Variants in ATP8B1 observed in about 807,000 individuals in gnomAD.
The protein encoded by ATP8B1 is ATPase phospholipid transporting 8B1.
A neutral mutation model predicts 149.9 loss-of-function variants in ATP8B1; 80 were observed. That is an observed-to-expected ratio of 0.53 (90% CI 0.45 to 0.64). ATP8B1 has a LOEUF of 0.64. ATP8B1 is among the 30% of genes least tolerant of loss of function. The pLI is 0.00. For missense variants in ATP8B1, 1,247 were observed against 1,552.6 expected, an observed-to-expected ratio of 0.80 and a Z score of 3.31; for synonymous variants, 536 against 562.8, an observed-to-expected ratio of 0.95 and a Z score of 0.67.
rs1308976671 is a variant in ATP8B1, at chr18:57,661,202, A to G, written c.2679T>C (p.Asp893=). The G allele has an allele frequency of 1.2e-6, 2 of 1,613,986 alleles. No homozygotes were observed. Among genetic ancestry groups the G allele is most frequent in the Admixed American group, 3.3e-5 (2 of 60,016 alleles). ...TGATCATGTTCACGTCATTGGCCCC[A>G]TCTCCGATGGCCAGCGTGATGGCTT... The part of the protein sequence containing the change: ...YKKAITLAIG[D]GANDVNMIKT... Residue 893 remains aspartate, a synonymous_variant, in exon 22 of 28, where the codon GAT becomes GAC. Transcript: ENST00000648908.
At chr18:57,680,160 C>T (rs925444266) in intron 15 of ATP8B1, among the ~76,000 whole-genome samples, 3 of 150,882 alleles carry the variant, frequency 2.0e-5, no homozygotes, top group African/African-American at 7.3e-5. Flanking sequence ...GCCTGTAATC[C>T]CAGCTACTCG....
intron 18 of ATP8B1, 29 bp downstream of exon 18, chr18:57,669,289 A>C: frequency 6.4e-7 from 1 of 1,572,582 alleles, no homozygotes; most frequent in Admixed American, 1.9e-5. Context: ...TAGAATATCA[A>C]AGAAAAAGTT....
At chr18:57,751,677 G>A (rs1264801657) in intron 1 of ATP8B1, among the ~76,000 whole-genome samples, 2 of 152,080 alleles carry the variant, frequency 1.3e-5, no homozygotes, top group Non-Finnish European at 2.9e-5. Context: ...GTTAGAACTT[G>A]GAGAGGCTCT....
At chr18:57,780,574 A>G (rs2080347920) in intron 1 of ATP8B1, among the ~76,000 whole-genome samples, 1 of 152,192 alleles carries the variant, frequency 6.6e-6, no homozygotes, top group Non-Finnish European at 1.5e-5. Flanking sequence ...AATCGTAACT[A>G]CTTAGTAATC....
At chr18:57,793,481 A>G (rs1457732772) in intron 1 of ATP8B1, among the ~76,000 whole-genome samples, 1 of 151,324 alleles carries the variant, frequency 6.6e-6, no homozygotes, top group African/African-American at 2.4e-5. Context: ...AGATCACACC[A>G]CTCCAAGGAG....
intron 26 of ATP8B1, 147 bp downstream of exon 26, chr18:57,651,887 G>A: frequency 2.0e-6 from 2 of 1,006,726 alleles, no homozygotes; most frequent in Non-Finnish European, 3.0e-6. Context: ...ACTTGCCTCG[G>A]CCTCCCAAAA....
intron 1 of ATP8B1, among the ~76,000 whole-genome samples, chr18:57,779,132 A>G (rs2080336122): frequency 6.6e-6 from 1 of 152,090 alleles, no homozygotes; most frequent in African/African-American, 2.4e-5. Flanking sequence ...AGACCAGCCC[A>G]GGCAACATAG....
At chr18:57,654,165 TTTTG>T (rs1235426297) in intron 23 of ATP8B1, 90 bp from the exon 24 acceptor site, 74 of 1,186,096 alleles carry the variant, frequency 6.2e-5, no homozygotes, top group South Asian at 7.6e-5. Flanking sequence ...TTATTTAACA[TTTTG>T]TTTGTTTGTT....
intron 26 of ATP8B1, among the ~76,000 whole-genome samples, chr18:57,651,369 G>GGCCAAT (rs1909604295): frequency 6.6e-6 from 1 of 152,092 alleles, no homozygotes. Flanking sequence ...GCCTCCCAAA[G>GGCCAAT]TGCTGGGATT....
intron 2 of ATP8B1, among the ~76,000 whole-genome samples, chr18:57,710,168 A>T (rs1913622057): frequency 6.6e-6 from 1 of 151,942 alleles, no homozygotes; most frequent in Admixed American, 6.6e-5. Context: ...GGATATATTG[A>T]CAAAGAAAAG....
chr18:57,653,682 C>CTTTTTTTTT (rs71171057), intron 24 of ATP8B1, among the ~76,000 whole-genome samples: 24 of 117,812 alleles, frequency 2.0e-4, no homozygotes, highest in African/African-American at 3.4e-4. Flanking sequence ...CCTCTTTTCT[C>CTTTTTTTTT]TTTTTTTTTT....
rs1910514831 is a variant in ATP8B1, at chr18:57,662,365, T to C, written c.2418+118A>G. On this transcript the variant is annotated intron_variant, in intron 21 of 27. Transcript: ENST00000648908. ...TCTCAAACTTGGAAAAACCACACTT[T>C]CATGTATAGGCTAAGAGACTTTTAG... 28 of 1,270,636 alleles carry C rather than the reference T, an allele frequency of 2.2e-5. No homozygotes were observed. In the Admixed American group the frequency reaches 2.3e-4, roughly 11 times the overall value. The allele number at this position is 1,270,636 out of a possible 1,614,324, so 78.7% of individuals were successfully genotyped here. A position where few individuals can be genotyped will look rare whatever the true frequency, so the allele number is the denominator to read the frequency against.
At chr18:57,739,371 C>T (rs1020160593) in intron 1 of ATP8B1, among the ~76,000 whole-genome samples, 6 of 152,184 alleles carry the variant, frequency 3.9e-5, no homozygotes, top group African/African-American at 1.4e-4. Flanking sequence ...CTGCCCTCCT[C>T]TTCCTGCTAC....
Position 57,701,244 on chromosome 18 carries a change from T to C in ATP8B1, c.463A>G (p.Thr155Ala). The change falls in exon 5 of 28, where the codon ACT (threonine) becomes GCT (alanine). Residue 155 changes from threonine (T) to alanine (A), a missense_variant. By Grantham distance (58) the Thr-to-Ala change is moderately conservative. Transcript: ENST00000648908. ...TCGTCCACCAGGTCTTTGATTGCAG[T>C]GACGCCCAGCACCACAAGCAGGGGC... ...LVPLLVVLGV[T>A]AIKDLVDDVA... The C allele has an allele frequency of 6.2e-7, 1 of 1,614,220 alleles. No individual in the cohort carries two copies. The highest frequency in any genetic ancestry group is 8.5e-7 in the Non-Finnish European group (1 of 1,180,046).
chr18:57,681,301 G>T (rs1464781837), intron 15 of ATP8B1, among the ~76,000 whole-genome samples: 2 of 152,284 alleles, frequency 1.3e-5, no homozygotes, highest in South Asian at 4.1e-4. Flanking sequence ...CAACCACAGA[G>T]AACTGAATCC....
intron 1 of ATP8B1, among the ~76,000 whole-genome samples, chr18:57,748,603 C>T (rs566086654): frequency 7.2e-5 from 11 of 152,230 alleles, no homozygotes; most frequent in African/African-American, 2.6e-4. Flanking sequence ...TCCTTAATTC[C>T]AACAAACAGA....
chr18:57,793,617 C>T (rs1481167811), intron 1 of ATP8B1, among the ~76,000 whole-genome samples: 2 of 152,064 alleles, frequency 1.3e-5, no homozygotes, highest in Non-Finnish European at 2.9e-5. Context: ...TTCCCTCCCC[C>T]ACTTACTCTT....
intron 15 of ATP8B1, among the ~76,000 whole-genome samples, chr18:57,678,411 C>A (rs991381180): frequency 5.9e-5 from 9 of 151,810 alleles, no homozygotes; most frequent in Admixed American, 2.0e-4. Context: ...CATAGTGAAA[C>A]CCCGTCTCTA....
intron 1 of ATP8B1, among the ~76,000 whole-genome samples, chr18:57,759,155 C>CAAAAAAAAAAAAAAAAAAAAAAAAAAAAA (rs566728161): frequency 3.1e-4 from 33 of 106,298 alleles, no homozygotes; most frequent in Non-Finnish European, 4.6e-4. Flanking sequence ...GATTCCATCT[C>CAAAAAAAAAAAAAAAAAAAAAAAAAAAAA]AAAAAAAAAA....
Sources: allele counts gnomAD v4.1 joint callset (sites outside exome capture counted in the v4.1 genomes callset), GRCh38; gene constraint gnomAD v4.1.1; transcripts MANE v1.5; gene names NCBI Gene and HGNC (gene_info 2026-07-23, HGNC 2026-07-21).